The following RTKN variants were observed in gnomAD, a reference collection of about 807,000 sequenced individuals.
RTKN encodes rhotekin.
RTKN carries 49 observed loss-of-function variants against 63.5 expected under a neutral mutation model. That is an observed-to-expected ratio of 0.77 (90% CI 0.61 to 0.98). RTKN has a LOEUF of 0.98. RTKN is among the 50% of genes least tolerant of loss of function. The probability of loss-of-function intolerance (pLI) is 0.00; values close to 1 mark genes in which losing one functional copy is unlikely to be tolerated. For synonymous variants in RTKN, 295 were observed against 290.4 expected, an observed-to-expected ratio of 1.02 and a Z score of -0.16; for missense variants, 685 against 740.8, an observed-to-expected ratio of 0.92 and a Z score of 0.87.
In RTKN at chr2:74,436,955, G is replaced by A. The variant is rs1307211592; in HGVS notation, c.112-4289C>T. Among the ~76,000 whole-genome samples the A allele has an allele frequency of 6.6e-6, 1 of 152,148 alleles. No homozygotes were observed. The highest frequency in any genetic ancestry group is 1.5e-5 in the Non-Finnish European group (1 of 68,028). On this transcript the variant is annotated intron_variant, in intron 1 of 11. Coordinates refer to ENST00000272430, the MANE Select transcript of RTKN (RefSeq NM_001015055.2). This position sits in a 1 kb window ranked among gnomAD's most constrained non-coding sequence, Gnocchi z 4.3. ...AAGAGCGCAGAGCTGGGTGTCAGCTGGACCCGGGTCAGATCCCAAGGGGCT... is the reference window on the plus strand; with the variant it reads ...AAGAGCGCAGAGCTGGGTGTCAGCTAGACCCGGGTCAGATCCCAAGGGGCT...
At chr2:74,433,519 C>T (rs770028324) in intron 1 of RTKN, among the ~76,000 whole-genome samples, 20 of 147,592 alleles carry the variant, frequency 1.4e-4, no homozygotes, top group Admixed American at 2.0e-4. Flanking sequence ...GACGGAGTCT[C>T]GCTCTGTTGC....
At chr2:74,430,181 C>T in intron 5 of RTKN, 71 bp downstream of exon 5, 2 of 1,543,288 alleles carry the variant, frequency 1.3e-6, no homozygotes. Context: ...CCAGCTTCCT[C>T]CCCTGGAACT....
At chr2:74,430,167 C>A in intron 5 of RTKN, 85 bp downstream of exon 5, 1 of 1,519,374 alleles carries the variant, frequency 6.6e-7, no homozygotes, top group Non-Finnish European at 9.1e-7. Flanking sequence ...ACCCTGCCCC[C>A]ATCCCAGCTT....
At chr2:74,431,872 C>T (rs1670769179) in intron 2 of RTKN, 1 of 156,966 alleles carries the variant, frequency 6.4e-6, no homozygotes, top group Admixed American at 6.4e-5. Context: ...CAAATATTTT[C>T]CCCAATATTT....
Position 74,426,216 on chromosome 2 carries a change from C to G in RTKN, c.*27G>C. 1 of 1,600,998 alleles carries G rather than the reference C, an allele frequency of 6.2e-7. No individual in the cohort carries two copies. Among genetic ancestry groups the G allele is most frequent in the Non-Finnish European group, 8.6e-7 (1 of 1,169,240 alleles). On this transcript the variant is annotated 3_prime_UTR_variant, in exon 12 of 12. Transcript: ENST00000272430. ...CGCATGGGTCATTTTCTCTTCTGGG[C>G]AGATCCTATGCCAGCACCTTTCTCT...
At position 74,432,662 on chromosome 2, in the gene RTKN, G is replaced by A. The variant is rs1339195827; in HGVS notation, c.116C>T (p.Thr39Met). The A allele has an allele frequency of 5.6e-6, 9 of 1,613,956 alleles. No individual in the cohort carries two copies. The highest frequency in any genetic ancestry group is 2.7e-5 in the African/African-American group (2 of 74,920). ...LSLFSDLPED[T>M]ELQRKLDHEI... is the part of the protein sequence containing the mutation. ...ATGGTCTAGCTTCCTCTGCAACTCC[G>A]TGTCCTAGCCAGGGTTGGGGGAAGG... The change falls in exon 2 of 12, where the codon ACG becomes ATG. Residue 39 changes from threonine (T) to methionine (M), a missense_variant. Thr to Met is a moderately conservative substitution (Grantham distance 81, BLOSUM62 -1). Coordinates refer to ENST00000272430, the MANE Select transcript of RTKN (RefSeq NM_001015055.2).
chr2:74,427,173 C>T lies in RTKN; in HGVS notation c.1356G>A (p.Glu452=). Residue 452 remains glutamate, a synonymous_variant, in exon 11 of 12, where the codon GAG becomes GAA. Transcript: ENST00000272430. ...GTTCACATTCCTCTCACTTACCCAT[C>T]TCATGGTACAAGGACCCCTGCTTTG... ...ALAKQGSLYH[E]MAIEPLDDIA... 6.2e-7 allele frequency: 1 copy of T among 1,613,688 alleles called. No individual in the cohort carries two copies. The highest frequency in any genetic ancestry group is 8.5e-7 in the Non-Finnish European group (1 of 1,179,610).
chr2:74,436,654 G>T lies in RTKN; in HGVS notation c.112-3988C>A, dbSNP rs573520543. Among the ~76,000 whole-genome samples the T allele has an allele frequency of 2.6e-5, 4 of 152,224 alleles. No individual in the cohort carries two copies. Among genetic ancestry groups the T allele is most frequent in the Non-Finnish European group, 5.9e-5 (4 of 67,968 alleles). ...TTGGGAGAGCTGGGGCCCTAGGGAG[G>T]TCACTGGGCCCAGCATGGATGAGTG... On this transcript the variant is annotated intron_variant, in intron 1 of 11. Transcript: ENST00000272430. The surrounding 1 kb of genome is among the most constrained non-coding windows in gnomAD (Gnocchi z 4.3).
In RTKN at chr2:74,426,464, C is replaced by G; in HGVS notation, c.1471G>C (p.Ala491Pro). ...GCAGGCGAGCAGGGGTTAGGCAGGGCAGGCTGGTCTGTAAACATTGCCAGC... is the reference window on the plus strand; with the variant it reads ...GCAGGCGAGCAGGGGTTAGGCAGGGGAGGCTGGTCTGTAAACATTGCCAGC... Reference protein sequence around the residue: ...PWLAMFTDQPALPNPCSPASV... With the variant: ...PWLAMFTDQPPLPNPCSPASV... Residue 491 changes from alanine (A) to proline (P), a missense_variant, in exon 12 of 12, where the codon GCC becomes CCC. Physicochemically the swap from Ala to Pro is conservative, Grantham distance 27. Coordinates refer to ENST00000272430, the MANE Select transcript of RTKN (RefSeq NM_001015055.2). 1 of 1,610,408 alleles carries G rather than the reference C, an allele frequency of 6.2e-7. No homozygotes were observed. Among genetic ancestry groups the G allele is most frequent in the South Asian group, 1.1e-5 (1 of 90,720 alleles).
intron 1 of RTKN, among the ~76,000 whole-genome samples, chr2:74,437,357 A>T (rs1671117920): frequency 6.6e-6 from 1 of 152,176 alleles, no homozygotes; most frequent in Non-Finnish European, 1.5e-5. Flanking sequence ...CTCTTTTGCC[A>T]TTCCCTGAAA....
At chr2:74,430,795 G>T in intron 2 of RTKN, 118 bp from the exon 3 acceptor site, 1 of 984,412 alleles carries the variant, frequency 1.0e-6, no homozygotes, top group Non-Finnish European at 1.5e-6. Context: ...TTCCCAGCCA[G>T]GCCGACAGGC....
At chr2:74,428,153 A>T in intron 9 of RTKN, 115 bp downstream of exon 9, 1 of 1,382,112 alleles carries the variant, frequency 7.2e-7, no homozygotes, top group Non-Finnish European at 1.0e-6. Context: ...TGGCACTGTC[A>T]GGAGCAGGAG....
intron 4 of RTKN, 42 bp from the exon 5 acceptor site, chr2:74,430,411 C>T (rs1670680674): frequency 6.2e-7 from 1 of 1,612,980 alleles, no homozygotes; most frequent in Non-Finnish European, 8.5e-7. Context: ...CCCACGAGAG[C>T]CTCCTACTTC....
rs550549274 is a variant in RTKN at position 74,427,497 on chromosome 2, G to A, written c.1182C>T (p.His394=). 64 of 1,614,224 alleles carry A rather than the reference G, an allele frequency of 4.0e-5. 1 individual carries two copies. In the South Asian group the frequency reaches 6.4e-4, roughly 16 times the overall value. The change falls in exon 10 of 12, where the codon CAC becomes CAT. Residue 394 remains histidine, a synonymous_variant. Transcript: ENST00000272430. Reference sequence around the variant, plus strand: ...CTTCCCGACTTTCTGTCTGAAGGGTGTGTGTCACCTCATCATCCCCATACT... The same window carrying A: ...CTTCCCGACTTTCTGTCTGAAGGGTATGTGTCACCTCATCATCCCCATACT... The part of the protein sequence containing the change: ...SNQYGDDEVT[H]TLQTESREAL...
At position 74,432,449 on chromosome 2, in the gene RTKN, C is replaced by T. The variant is rs200181869; in HGVS notation, c.311+18G>A. 112 of 1,604,224 alleles carry T rather than the reference C, an allele frequency of 7.0e-5. No individual in the cohort carries two copies. The highest frequency in any genetic ancestry group is 3.3e-4 in the Middle Eastern group (2 of 6,058). On this transcript the variant is annotated intron_variant, in intron 2 of 11. Transcript: ENST00000272430. ...AGGCCTCCTGCCTCCATCGAGGCCT[C>T]GTCTCCCCCTTGCTCACCGCCGGCT...
chr2:74,438,840 TTCA>T (rs768435661), intron 1 of RTKN, among the ~76,000 whole-genome samples: 8 of 152,270 alleles, frequency 5.3e-5, no homozygotes, highest in Non-Finnish European at 8.8e-5. Context: ...CATCCCCATT[TTCA>T]TCATAATTTC....
In RTKN at chr2:74,425,884, G is replaced by A. The variant is rs936441525; in HGVS notation, c.*359C>T. ...TGTCCTCAGGAGCCAGGTGAAGGCT[G>A]CTGTTAAATAACTTTAATGGTTGAT... On this transcript the variant is annotated 3_prime_UTR_variant, in exon 12 of 12. Transcript: ENST00000272430. 4.7e-5 allele frequency: 46 copies of A among 977,362 alleles called. No homozygotes were observed. The Admixed American group carries it at 1.3e-3, about 27-fold the overall frequency. 60.5% of individuals were successfully genotyped at this position (977,362 alleles called of 1,614,324 possible).
rs1671045168 is a variant in RTKN, at chr2:74,436,139, G to A, written c.112-3473C>T. 6.6e-6 allele frequency among the ~76,000 whole-genome samples: 1 copy of A among 152,236 alleles called. No individual in the cohort carries two copies. Among genetic ancestry groups the A allele is most frequent in the African/African-American group, 2.4e-5 (1 of 41,454 alleles). On this transcript the variant is annotated intron_variant, in intron 1 of 11. Coordinates refer to ENST00000272430, the MANE Select transcript of RTKN (RefSeq NM_001015055.2). This position sits in a 1 kb window ranked among gnomAD's most constrained non-coding sequence, Gnocchi z 4.3. ...GAGCCTGGCAGGAGGGGGACACGGAGGTGTCCTCAACCCCCATCTTGGCTA... is the reference window on the plus strand; with the variant it reads ...GAGCCTGGCAGGAGGGGGACACGGAAGTGTCCTCAACCCCCATCTTGGCTA...
intron 1 of RTKN, chr2:74,439,578 G>A (rs1671237544): frequency 1.9e-6 from 3 of 1,614,066 alleles, no homozygotes; most frequent in Non-Finnish European, 1.7e-6. Context: ...TCTGCCGAAT[G>A]TAGAGCATAT....
Sources: allele counts gnomAD v4.1 joint callset (sites outside exome capture counted in the v4.1 genomes callset), GRCh38; gene constraint gnomAD v4.1.1; non-coding constraint Gnocchi (gnomAD v3.1); transcripts MANE v1.5; gene names NCBI Gene and HGNC (gene_info 2026-07-23, HGNC 2026-07-21).